The following MYO15A variants were observed in gnomAD, a reference collection of about 807,000 sequenced individuals.
MYO15A encodes myosin XVA.
A neutral mutation model predicts 394.6 loss-of-function variants in MYO15A; 308 were observed. That is an observed-to-expected ratio of 0.78 (90% CI 0.71 to 0.86). The LOEUF is 0.86. Among genes scored for constraint, MYO15A ranks in the 40% least tolerant of loss-of-function variants. The pLI, the probability that MYO15A is intolerant of heterozygous loss-of-function variation, is 0.00. For missense variants in MYO15A, 4,606 were observed against 4,799.1 expected (o/e 0.96, Z 1.19); for synonymous variants, 1,957 against 2,003.8 (o/e 0.98, Z 0.62).
Position 18,155,146 on chromosome 17 carries a change from C to T in MYO15A, c.8261C>T (p.Thr2754Met), listed in dbSNP as rs766544188. ...NQLDTQKPLV[T>M]ESVKRAVVST... ...CTGGACACACAGAAGCCTCTGGTAACGGAAAGCGTGAAGCGGGCCGTGGTC... is the reference window on the plus strand; with the variant it reads ...CTGGACACACAGAAGCCTCTGGTAATGGAAAGCGTGAAGCGGGCCGTGGTC... The change falls in exon 46 of 66, where the codon ACG (threonine) becomes ATG (methionine). Residue 2754 changes from threonine (T) to methionine (M), a missense_variant. Thr to Met is a moderately conservative substitution (Grantham distance 81). Coordinates refer to ENST00000647165, the MANE Select transcript of MYO15A (RefSeq NM_016239.4). 16 of 1,613,956 alleles carry T rather than the reference C, an allele frequency of 9.9e-6. No individual in the cohort carries two copies. Among genetic ancestry groups the T allele is most frequent in the African/African-American group, 4.0e-5 (3 of 75,048 alleles).
intron 22 of MYO15A, among the ~76,000 whole-genome samples, 157 bp downstream of exon 22, chr17:18,141,300 G>C (rs1418908414): frequency 6.6e-6 from 1 of 152,230 alleles, no homozygotes; most frequent in Non-Finnish European, 1.5e-5. Flanking sequence ...TAATGTGGTA[G>C]ATACATTTAT....
intron 30 of MYO15A, 152 bp downstream of exon 30, chr17:18,146,259 T>C: frequency 1.2e-6 from 1 of 840,594 alleles, no homozygotes; most frequent in Non-Finnish European, 1.9e-6. Context: ...GCATTTCTAC[T>C]GGGCTCAGAG....
Position 18,173,850 on chromosome 17 carries a change from A to C in MYO15A, c.10420A>C (p.Ser3474Arg). The C allele has an allele frequency of 6.2e-7, 1 of 1,613,314 alleles. No homozygotes were observed. The change falls in exon 65 of 66, where the codon AGC becomes CGC. Residue 3474 changes from serine (S) to arginine (R), a missense_variant. Physicochemically the swap from Ser to Arg is moderately radical, Grantham distance 110. Transcript: ENST00000647165. ...TRTQRPTANSSYPYVEIALGD... is the reference protein window; with the variant it reads ...TRTQRPTANSRYPYVEIALGD... ...GACCCAGCGGCCCACGGCCAACTCC[A>C]GCTACCCCTATGTGGAGATTGCGCT... is the stretch of plus-strand genomic sequence containing the variant.
At chr17:18,158,254 G>GC (rs2046717033) in intron 51 of MYO15A, 2 of 590,884 alleles carry the variant, frequency 3.4e-6, no homozygotes, top group Non-Finnish European at 6.0e-6. Context: ...GCGAGGGGCG[G>GC]GGTCAGCTGT....
At position 18,154,610 on chromosome 17, in the gene MYO15A, A is replaced by G. The variant is rs558718213; in HGVS notation, c.8149-70A>G. On this transcript the variant is annotated intron_variant, in intron 44 of 65. Coordinates refer to ENST00000647165, the MANE Select transcript of MYO15A (RefSeq NM_016239.4). ...CCCCTCCCACATTGCCACTCACCCT[A>G]GTATAGTCCAGCCTGGGTCCCAGCT... 31 of 1,500,146 alleles carry G rather than the reference A, an allele frequency of 2.1e-5. No homozygotes were observed. The South Asian group carries it at 3.3e-4, about 16-fold the overall frequency. The allele number at this position is 1,500,146 out of a possible 1,614,324, so 92.9% of individuals were successfully genotyped here. A position where few individuals can be genotyped will look rare whatever the true frequency, so the allele number is the denominator to read the frequency against.
At chr17:18,133,673 C>T (rs1362244185) in intron 12 of MYO15A, among the ~76,000 whole-genome samples, 1 of 151,860 alleles carries the variant, frequency 6.6e-6, no homozygotes, top group Non-Finnish European at 1.5e-5. Flanking sequence ...GGAGGGGTCT[C>T]ACTCTGTCAC....
At position 18,174,062 on chromosome 17, in the gene MYO15A, A is replaced by G. The variant is rs1267192155; in HGVS notation, c.10491+141A>G. 139 of 1,235,624 alleles carry G rather than the reference A, an allele frequency of 1.1e-4. 1 individual carries two copies. The highest frequency in any genetic ancestry group is 4.4e-6 in the Non-Finnish European group (4 of 904,334). The allele number at this position is 1,235,624 out of a possible 1,614,324, so 76.5% of individuals were successfully genotyped here. On this transcript the variant is annotated intron_variant, in intron 65 of 65. Coordinates refer to ENST00000647165, the MANE Select transcript of MYO15A (RefSeq NM_016239.4). ...AGAACCAACCACAGCACAGCACGGA[A>G]CTGCAGATCATTATGGGTGGCCATC...
rs1302345398 is a variant in MYO15A, at chr17:18,137,689, CCCCATTAATACTCCTGT to C, written c.4875+14_4875+30del. On this transcript the variant is annotated intron_variant, in intron 16 of 65. Coordinates refer to ENST00000647165, the MANE Select transcript of MYO15A (RefSeq NM_016239.4). ...CTTCCAGGAGGAGCAGGTGTGTGGG[CCCCATTAATACTCCTGT>C]CCCTGTCTTGACTGGCCAGTGGACC... 4 of 1,613,010 alleles carry C rather than the reference CCCCATTAATACTCCTGT, an allele frequency of 2.5e-6. No homozygotes were observed. The highest frequency in any genetic ancestry group is 3.4e-6 in the Non-Finnish European group (4 of 1,179,380).
chr17:18,141,037 C>T lies in MYO15A; in HGVS notation c.5425C>T (p.Pro1809Ser), dbSNP rs752866130. 6.2e-7 allele frequency: 1 copy of T among 1,613,978 alleles called. No homozygotes were observed. The highest frequency in any genetic ancestry group is 8.5e-7 in the Non-Finnish European group (1 of 1,180,040). The change falls in exon 22 of 66, where the codon CCA becomes TCA. Residue 1809 changes from proline to serine, a missense_variant. By Grantham distance (74) the Pro-to-Ser change is moderately conservative. Around this residue, in one of 2 missense-constraint regions of MYO15A, gnomAD observed 2,776 missense variants for 3,109.3 expected, o/e 0.89. Coordinates refer to ENST00000647165, the MANE Select transcript of MYO15A (RefSeq NM_016239.4). Reference sequence around the variant, plus strand: ...CCTACAGGAGCCAGGTCTCTTTGAGCCAGATGTGGTAATGGCACAATTACG... The same window carrying T: ...CCTACAGGAGCCAGGTCTCTTTGAGTCAGATGTGGTAATGGCACAATTACG... ...NHKKEPGLFE[P>S]DVVMAQLRYS...
At chr17:18,126,931 A>G in intron 6 of MYO15A, 66 bp downstream of exon 6, 1 of 1,603,872 alleles carries the variant, frequency 6.2e-7, no homozygotes, top group South Asian at 1.1e-5. Context: ...GCATCTGGCC[A>G]GAACTGCTGT....
At position 18,120,604 on chromosome 17, in the gene MYO15A, G is replaced by A. The variant is rs1362813821; in HGVS notation, c.1804G>A (p.Val602Ile). ...GAAGGCCCGGGCGGGCGGCCCTGCT[G>A]TCAGGGAGGCGGCCTACAAACGCTT... ...SQKARAGGPA[V>I]REAAYKRFGY... is the part of the protein sequence containing the mutation. Residue 602 changes from valine (V) to isoleucine (I), a missense_variant, in exon 2 of 66, where the codon GTC (valine) becomes ATC (isoleucine). Around this residue, in one of 2 missense-constraint regions of MYO15A, gnomAD observed 1,830 missense variants for 1,689.7 expected, o/e 1.08. Transcript: ENST00000647165. 1.9e-6 allele frequency: 3 copies of A among 1,598,244 alleles called. No individual in the cohort carries two copies. The highest frequency in any genetic ancestry group is 2.6e-6 in the Non-Finnish European group (3 of 1,174,696).
In MYO15A at chr17:18,164,295, A is replaced by G. The variant is rs373338697; in HGVS notation, c.9787+457A>G. The G allele has an allele frequency of 1.7e-4, 42 of 240,926 alleles. No individual in the cohort carries two copies. The East Asian group carries it at 4.5e-3, about 26-fold the overall frequency. The allele number at this position is 240,926 out of a possible 1,614,324, so 14.9% of individuals were successfully genotyped here. A position where few individuals can be genotyped will look rare whatever the true frequency, so the allele number is the denominator to read the frequency against. On this transcript the variant is annotated intron_variant, in intron 60 of 65. Transcript: ENST00000647165. ...TCGAGGGCTCCTGGGACCCTAGGTG[A>G]CCGTCATGCATCCCAAAGCCCCTTC...
At chr17:18,138,076 G>A (rs1383722090) in intron 16 of MYO15A, 39 bp from the exon 17 acceptor site, 1 of 1,601,976 alleles carries the variant, frequency 6.2e-7, no homozygotes, top group African/African-American at 1.3e-5. Context: ...GCCCTGGACA[G>A]GGATGGGAGG....
chr17:18,120,094 A>G lies in MYO15A; in HGVS notation c.1294A>G (p.Ile432Val). ...CCCGTATGCCCACGCCATGGATGAC[A>G]TCGCCGAGCTGGAGGAACCAGAGGA... ...HNPYAHAMDD[I>V]AELEEPEDAG... Residue 432 changes from isoleucine (I) to valine (V), a missense_variant, in exon 2 of 66, where the codon ATC (isoleucine) becomes GTC (valine). Ile to Val is a conservative substitution (Grantham distance 29). Transcript: ENST00000647165. 4.3e-6 allele frequency: 7 copies of G among 1,612,486 alleles called. No homozygotes were observed. Among genetic ancestry groups the G allele is most frequent in the Non-Finnish European group, 5.9e-6 (7 of 1,179,394 alleles).
chr17:18,144,001 G>A lies in MYO15A; in HGVS notation c.6177+1G>A, dbSNP rs751142446. 6.8e-6 allele frequency: 11 copies of A among 1,613,496 alleles called. No homozygotes were observed. The highest frequency in any genetic ancestry group is 9.3e-6 in the Non-Finnish European group (11 of 1,179,996). On this transcript the variant is annotated splice_donor_variant, in intron 28 of 65. Coordinates refer to ENST00000647165, the MANE Select transcript of MYO15A (RefSeq NM_016239.4). LOFTEE classifies it high-confidence loss of function. Reference sequence around the variant, plus strand: ...CAAGTTTGTCCAGTGCCACTTCAAGGTAAGGGCTAGCTGAAGTCCAAGGCT... The same window carrying A: ...CAAGTTTGTCCAGTGCCACTTCAAGATAAGGGCTAGCTGAAGTCCAAGGCT...
Position 18,179,190 on chromosome 17 carries a change from C to T in MYO15A, c.*320C>T, listed in dbSNP as rs1180170637. 3 of 453,128 alleles carry T rather than the reference C, an allele frequency of 6.6e-6. No homozygotes were observed. Among genetic ancestry groups the T allele is most frequent in the Non-Finnish European group, 1.2e-5 (3 of 243,500 alleles). 28.1% of individuals were successfully genotyped at this position (453,128 alleles called of 1,614,324 possible). On this transcript the variant is annotated 3_prime_UTR_variant, in exon 66 of 66. Coordinates refer to ENST00000647165, the MANE Select transcript of MYO15A (RefSeq NM_016239.4). ...TTGCAGACCCTGCCCCTAACTCCTG[C>T]CTATGACACAGAAGCCCCACACCAG... is the stretch of plus-strand genomic sequence containing the variant.
rs751161836 is a variant in MYO15A, at chr17:18,155,390, G to T, written c.8417G>T (p.Gly2806Val). 1 of 1,613,662 alleles carries T rather than the reference G, an allele frequency of 6.2e-7. No individual in the cohort carries two copies. Among genetic ancestry groups the T allele is most frequent in the Non-Finnish European group, 8.5e-7 (1 of 1,180,026 alleles). The part of the protein sequence containing the change: ...GIKLLRMVKG[G>V]QEAGGQLRVL... ...AAACTCCTGAGGATGGTCAAGGGTGGCCAGGAGGCCGGCGGGCAGCTGCGG... is the reference window on the plus strand; with the variant it reads ...AAACTCCTGAGGATGGTCAAGGGTGTCCAGGAGGCCGGCGGGCAGCTGCGG... The change falls in exon 47 of 66, where the codon GGC (glycine) becomes GTC (valine). Residue 2806 changes from glycine to valine, a missense_variant. Gly to Val is a moderately radical substitution (Grantham distance 109). Coordinates refer to ENST00000647165, the MANE Select transcript of MYO15A (RefSeq NM_016239.4).
chr17:18,148,143 G>C lies in MYO15A; in HGVS notation c.6624G>C (p.Pro2208=). 6.2e-7 allele frequency: 1 copy of C among 1,613,804 alleles called. No individual in the cohort carries two copies. ...CGGGGGCTGCCCGCACCTTACCCCCGACCCAGCTCGAGTGGACAGCGACCT... is the reference window on the plus strand; with the variant it reads ...CGGGGGCTGCCCGCACCTTACCCCCCACCCAGCTCGAGTGGACAGCGACCT... ...QGSGAARTLP[P]TQLEWTATYE... is the part of the protein sequence containing the mutation. The change falls in exon 31 of 66, where the codon CCG becomes CCC. Residue 2208 remains proline (P), a synonymous_variant. Coordinates refer to ENST00000647165, the MANE Select transcript of MYO15A (RefSeq NM_016239.4). The surrounding 1 kb of genome is among the most constrained non-coding windows in gnomAD (Gnocchi z 4.8).
At chr17:18,128,254 G>A (rs1433678204) in intron 7 of MYO15A, among the ~76,000 whole-genome samples, 2 of 151,128 alleles carry the variant, frequency 1.3e-5, no homozygotes, top group Non-Finnish European at 3.0e-5. Context: ...TGTCTGCTAG[G>A]CATCTACACA....
Sources: gnomAD v4.1 joint callset for allele counts (sites outside exome capture counted in the v4.1 genomes callset) on GRCh38, gnomAD v4.1.1 for gene constraint, gnomAD v4.1.1 regional missense constraint, Gnocchi (gnomAD v3.1) non-coding constraint, MANE v1.5 for transcripts, NCBI Gene and HGNC (gene_info 2026-07-23, HGNC 2026-07-21) for gene names.